The following ACER3 variants were observed in gnomAD, a reference collection of about 807,000 sequenced individuals.
ACER3 encodes the protein alkaline ceramidase 3.
ACER3 carries 16 observed loss-of-function variants against 48.9 expected under a neutral mutation model. That is an observed-to-expected ratio of 0.33 (90% CI 0.22 to 0.50). The LOEUF is 0.50. Among genes scored for constraint, ACER3 ranks in the 20% least tolerant of loss-of-function variants. The probability of loss-of-function intolerance (pLI) is 0.98; values close to 1 mark genes in which losing one functional copy is unlikely to be tolerated. For missense variants in ACER3, 227 were observed against 326.0 expected, an observed-to-expected ratio of 0.70 and a Z score of 2.34; for synonymous variants, 109 against 107.8, an observed-to-expected ratio of 1.01 and a Z score of -0.07.
chr11:76,976,207 C>A (rs1948439895), intron 3 of ACER3, 82 bp from the exon 4 acceptor site: 1 of 1,082,120 alleles, frequency 9.2e-7, no homozygotes, highest in Non-Finnish European at 1.4e-6. Flanking sequence ...AAATCTTAAT[C>A]ATTTTGATGT....
At chr11:76,888,864 A>G (rs2134610363) in intron 1 of ACER3, among the ~76,000 whole-genome samples, 1 of 152,324 alleles carries the variant, frequency 6.6e-6, no homozygotes, top group East Asian at 1.9e-4. Flanking sequence ...GGAGGGAGTT[A>G]CACAAGGCTA....
intron 1 of ACER3, among the ~76,000 whole-genome samples, chr11:76,869,955 A>G (rs6592678): frequency 0.76 from 114,841 of 151,496 alleles, 43,873 homozygotes; most frequent in African/African-American, 0.81. Flanking sequence ...TTGACCTCCT[A>G]GGCTTAAGTG....
At chr11:76,885,951 G>C (rs1945660904) in intron 1 of ACER3, among the ~76,000 whole-genome samples, 1 of 152,186 alleles carries the variant, frequency 6.6e-6, no homozygotes, top group African/African-American at 2.4e-5. Flanking sequence ...ATGGCAGTGA[G>C]GAAAGCAGAT....
chr11:76,875,333 C>T (rs140914171), intron 1 of ACER3, among the ~76,000 whole-genome samples: 6 of 151,796 alleles, frequency 4.0e-5, no homozygotes, highest in East Asian at 3.9e-4. Context: ...AGACTGGTCT[C>T]GATCTCCTTA....
chr11:76,931,777 A>T (rs1202018667), intron 2 of ACER3, among the ~76,000 whole-genome samples: 1 of 151,996 alleles, frequency 6.6e-6, no homozygotes, highest in Non-Finnish European at 1.5e-5. Context: ...TTCCTTTAAG[A>T]ATGTTGAATA....
At chr11:77,019,561 A>T in intron 9 of ACER3, 170 bp from the exon 10 acceptor site, 1 of 631,488 alleles carries the variant, frequency 1.6e-6, no homozygotes. Flanking sequence ...TTTACTGAAT[A>T]TTTTGAGTAG....
chr11:76,896,177 T>A (rs1476715303), intron 1 of ACER3, among the ~76,000 whole-genome samples: 1 of 152,204 alleles, frequency 6.6e-6, no homozygotes, highest in African/African-American at 2.4e-5. Flanking sequence ...CTTTGCTGTT[T>A]GGATATGAAA....
intron 2 of ACER3, among the ~76,000 whole-genome samples, chr11:76,951,708 G>C (rs902220518): frequency 1.3e-5 from 2 of 152,144 alleles, no homozygotes; most frequent in African/African-American, 4.8e-5. Flanking sequence ...TACCTAATAA[G>C]TATTCTCTAT....
At chr11:76,874,443 T>G (rs953286260) in intron 1 of ACER3, among the ~76,000 whole-genome samples, 1 of 152,070 alleles carries the variant, frequency 6.6e-6, no homozygotes, top group Admixed American at 6.6e-5. Context: ...GTATAACAGT[T>G]GTGGCTTCCT....
intron 2 of ACER3, among the ~76,000 whole-genome samples, chr11:76,951,401 A>G (rs1454614752): frequency 6.6e-6 from 1 of 152,204 alleles, no homozygotes; most frequent in Non-Finnish European, 1.5e-5. Context: ...TAAGAGGCTC[A>G]CAATAGCAGT....
intron 1 of ACER3, among the ~76,000 whole-genome samples, chr11:76,917,595 G>A (rs1248810231): frequency 6.6e-6 from 1 of 152,012 alleles, no homozygotes; most frequent in Non-Finnish European, 1.5e-5. Context: ...AGTGGCTCAT[G>A]CCTGTAATCT....
At chr11:76,872,659 A>G (rs983807048) in intron 1 of ACER3, among the ~76,000 whole-genome samples, 24 of 152,220 alleles carry the variant, frequency 1.6e-4, no homozygotes, top group African/African-American at 5.8e-4. Flanking sequence ...TGTTGATGTC[A>G]TATTGTTAAT....
At chr11:76,935,857 A>T (rs1193435195) in intron 2 of ACER3, among the ~76,000 whole-genome samples, 1 of 152,216 alleles carries the variant, frequency 6.6e-6, no homozygotes, top group Non-Finnish European at 1.5e-5. Flanking sequence ...CAATACCCAC[A>T]TATGGCTTGT....
At chr11:76,944,253 T>C (rs1947420808) in intron 2 of ACER3, among the ~76,000 whole-genome samples, 1 of 152,122 alleles carries the variant, frequency 6.6e-6, no homozygotes, top group Non-Finnish European at 1.5e-5. Flanking sequence ...TCTATTGTGT[T>C]CACATTTGAT....
At chr11:76,899,679 C>T (rs757593106) in intron 1 of ACER3, among the ~76,000 whole-genome samples, 2 of 152,196 alleles carry the variant, frequency 1.3e-5, no homozygotes, top group African/African-American at 2.4e-5. Flanking sequence ...AGGGAGATCA[C>T]AGACATGTTA....
At chr11:76,967,988 G>A (rs1948184179) in intron 3 of ACER3, among the ~76,000 whole-genome samples, 1 of 152,154 alleles carries the variant, frequency 6.6e-6, no homozygotes, top group African/African-American at 2.4e-5. Context: ...ATTAGGAAAA[G>A]AGGAAGTCAA....
At chr11:76,897,910 A>G (rs1945976316) in intron 1 of ACER3, among the ~76,000 whole-genome samples, 1 of 152,242 alleles carries the variant, frequency 6.6e-6, no homozygotes, top group Admixed American at 6.5e-5. Flanking sequence ...ACTTTGGGAT[A>G]TAGTAGAAGT....
chr11:76,860,970 C>T lies in ACER3; in HGVS notation c.-7C>T, dbSNP rs1445124582. 7.9e-6 allele frequency: 12 copies of T among 1,526,780 alleles called. No homozygotes were observed. The highest frequency in any genetic ancestry group is 2.5e-5 in the East Asian group (1 of 39,392). The allele number at this position is 1,526,780 out of a possible 1,614,324, so 94.6% of individuals were successfully genotyped here. On this transcript the variant is annotated 5_prime_UTR_variant, in exon 1 of 11. Coordinates refer to ENST00000532485, the MANE Select transcript of ACER3 (RefSeq NM_018367.7). ...CGGAGCGCCTGGGCGGCGGCGGCGG[C>T]GGCGTGATGGCTCCGGCCGCGGACC...
At chr11:77,012,034 A>T (rs1949275996) in intron 7 of ACER3, among the ~76,000 whole-genome samples, 1 of 152,112 alleles carries the variant, frequency 6.6e-6, no homozygotes, top group African/African-American at 2.4e-5. Flanking sequence ...AATTACTTCT[A>T]TTCAACATTA....
Sources: allele counts gnomAD v4.1 joint callset (sites outside exome capture counted in the v4.1 genomes callset), GRCh38; gene constraint gnomAD v4.1.1; transcripts MANE v1.5; gene names NCBI Gene and HGNC (gene_info 2026-07-23, HGNC 2026-07-21).